The following CAMK4 variants were observed in gnomAD, a reference collection of about 807,000 sequenced individuals.
CAMK4 encodes calcium/calmodulin-dependent protein kinase type IV.
In CAMK4, 22 loss-of-function variants were observed where a neutral mutation model predicts 44.9. The ratio of observed to expected loss-of-function variants is 0.49; its 90% CI spans 0.35 to 0.70. The LOEUF is 0.70. Among genes scored for constraint, CAMK4 ranks in the 30% least tolerant of loss-of-function variants. The pLI is 0.01. For missense variants in CAMK4, 498 were observed against 586.8 expected (o/e 0.85, Z 1.56); for synonymous variants, 218 against 215.4 (o/e 1.01, Z -0.11).
chr5:111,357,222 C>T (rs1750400841), intron 2 of CAMK4, among the ~76,000 whole-genome samples: 1 of 152,046 alleles, frequency 6.6e-6, no homozygotes, highest in Admixed American at 6.6e-5. Flanking sequence ...CTGGTAGAAG[C>T]AGGAGTTTAA....
At chr5:111,266,702 T>G (rs1750261642) in intron 1 of CAMK4, among the ~76,000 whole-genome samples, 1 of 152,240 alleles carries the variant, frequency 6.6e-6, no homozygotes, top group African/African-American at 2.4e-5. Flanking sequence ...ACAAATAAAA[T>G]GTCTAAGCCC....
At chr5:111,427,646 C>T (rs1753276417) in intron 5 of CAMK4, among the ~76,000 whole-genome samples, 2 of 152,188 alleles carry the variant, frequency 1.3e-5, no homozygotes, top group Admixed American at 1.3e-4. Flanking sequence ...CTATGGGCTG[C>T]TCTGCTTTTC....
intron 5 of CAMK4, among the ~76,000 whole-genome samples, chr5:111,427,920 A>G (rs2112932331): frequency 6.6e-6 from 1 of 152,358 alleles, no homozygotes; most frequent in South Asian, 2.1e-4. Context: ...TAGTTATAGC[A>G]GGGTTTGGGC....
intron 7 of CAMK4, 84 bp from the exon 8 acceptor site, chr5:111,473,226 GA>G (rs1755123519): frequency 1.1e-6 from 1 of 908,628 alleles, no homozygotes; most frequent in Non-Finnish European, 1.8e-6. Context: ...TTGTTTTGAT[GA>G]ATTTATTTCT....
chr5:111,397,336 G>A (rs1294414353), intron 5 of CAMK4, among the ~76,000 whole-genome samples: 1 of 152,206 alleles, frequency 6.6e-6, no homozygotes, highest in Non-Finnish European at 1.5e-5. Context: ...TCATAGCAAT[G>A]TTCATAAAAT....
intron 5 of CAMK4, among the ~76,000 whole-genome samples, chr5:111,421,779 T>G (rs1187165470): frequency 6.6e-6 from 1 of 152,202 alleles, no homozygotes; most frequent in Non-Finnish European, 1.5e-5. Context: ...AATCACATCT[T>G]GAATTCTAGC....
rs59699712 is a variant in CAMK4 at position 111,267,703 on chromosome 5, CAAAAA to C, written c.161+43080_161+43084del. ...TGGGCGACAGAACGAGACTCCGTCT[CAAAAA>C]AAAAAAAAAAAAAAAAAAAAGAATC... On this transcript the variant is annotated intron_variant, in intron 1 of 10. Coordinates refer to ENST00000282356, the MANE Select transcript of CAMK4 (RefSeq NM_001744.6). Among the ~76,000 whole-genome samples the C allele has an allele frequency of 1.2e-3, 84 of 71,726 alleles. 3 individuals are homozygous for C. The East Asian group carries it at 0.02, about 17-fold the overall frequency. 47.1% of individuals were successfully genotyped at this position (71,726 alleles called of 152,430 possible).
intron 5 of CAMK4, among the ~76,000 whole-genome samples, chr5:111,406,995 G>A (rs1262410474): frequency 6.6e-6 from 1 of 152,184 alleles, no homozygotes; most frequent in East Asian, 1.9e-4. Context: ...AGGCTTTTAA[G>A]TAGGAGAATT....
intron 1 of CAMK4, among the ~76,000 whole-genome samples, chr5:111,229,588 G>C (rs760394905): frequency 1.1e-4 from 17 of 152,224 alleles, no homozygotes; most frequent in Non-Finnish European, 1.9e-4. Flanking sequence ...AACCATTCTC[G>C]TGACCAGAGC....
At chr5:111,316,864 C>G (rs1247692817) in intron 1 of CAMK4, among the ~76,000 whole-genome samples, 1 of 152,088 alleles carries the variant, frequency 6.6e-6, no homozygotes, top group Non-Finnish European at 1.5e-5. Flanking sequence ...CTCTGAAAGA[C>G]TGGTTGAGAA....
rs1561512226 is a variant in CAMK4 at position 111,477,750 on chromosome 5, T to A, written c.702-631T>A. Among the ~76,000 whole-genome samples the A allele has an allele frequency of 2.0e-5, 3 of 152,230 alleles. No homozygotes were observed. In the South Asian group the frequency reaches 6.2e-4, roughly 31 times the overall value. ...GCATCTGGTGACTATATTAATCTTATACATTTTTTAAGGTCATTGCCTGAC... is the reference window on the plus strand; with the variant it reads ...GCATCTGGTGACTATATTAATCTTAAACATTTTTTAAGGTCATTGCCTGAC... On this transcript the variant is annotated intron_variant, in intron 8 of 10. Coordinates refer to ENST00000282356, the MANE Select transcript of CAMK4 (RefSeq NM_001744.6).
intron 1 of CAMK4, among the ~76,000 whole-genome samples, chr5:111,241,531 C>G (rs1748992164): frequency 6.6e-6 from 1 of 152,166 alleles, no homozygotes; most frequent in African/African-American, 2.4e-5. Context: ...CTATTTACCT[C>G]TTTTCTTACT....
At chr5:111,462,616 C>G (rs543722306) in intron 7 of CAMK4, among the ~76,000 whole-genome samples, 3 of 152,222 alleles carry the variant, frequency 2.0e-5, no homozygotes, top group African/African-American at 7.2e-5. Context: ...GTAGTTTTAA[C>G]TCAGTAAGTA....
At position 111,449,161 on chromosome 5, in the gene CAMK4, CA is replaced by C; in HGVS notation, c.585del (p.Val196CysfsTer3). The C allele has an allele frequency of 6.3e-7, 1 of 1,582,690 alleles. No individual in the cohort carries two copies. The highest frequency in any genetic ancestry group is 8.7e-7 in the Non-Finnish European group (1 of 1,153,514). ...DFGLSKIVEH[Q>X]VLMKTVCGTP... ...TGGACTCTCTAAAATTGTGGAACAT[CA>C]AGTGCTCATGAAGACAGTATGTGGA... is the stretch of plus-strand genomic sequence containing the variant. On this transcript the variant is annotated frameshift_variant, in exon 7 of 11. Coordinates refer to ENST00000282356, the MANE Select transcript of CAMK4 (RefSeq NM_001744.6). LOFTEE classifies it high-confidence loss of function.
chr5:111,301,785 T>C (rs1226679949), intron 1 of CAMK4, among the ~76,000 whole-genome samples: 5 of 152,202 alleles, frequency 3.3e-5, no homozygotes, highest in African/African-American at 7.2e-5. Flanking sequence ...TTGCTTCCAT[T>C]TATAGATTAA....
chr5:111,442,370 G>A (rs753967976), intron 5 of CAMK4, among the ~76,000 whole-genome samples: 1 of 152,016 alleles, frequency 6.6e-6, no homozygotes, highest in African/African-American at 2.4e-5. Flanking sequence ...GGTGGCGCGT[G>A]CCTGTTGTCC....
intron 5 of CAMK4, among the ~76,000 whole-genome samples, chr5:111,407,834 A>G (rs971014238): frequency 1.3e-5 from 2 of 152,194 alleles, no homozygotes; most frequent in East Asian, 3.8e-4. Context: ...GGCTTAAGAA[A>G]GAATGACTAG....
intron 1 of CAMK4, among the ~76,000 whole-genome samples, chr5:111,308,953 T>C (rs558650205): frequency 6.6e-6 from 1 of 152,336 alleles, no homozygotes; most frequent in South Asian, 2.1e-4. Flanking sequence ...TTTAACTTCA[T>C]TGACTGATGT....
At chr5:111,476,532 C>T (rs1212896095) in intron 8 of CAMK4, among the ~76,000 whole-genome samples, 1 of 152,048 alleles carries the variant, frequency 6.6e-6, no homozygotes, top group Non-Finnish European at 1.5e-5. Context: ...CTGCCTCAGC[C>T]TCCCAAAGTG....
Sources: gnomAD v4.1 joint callset for allele counts (sites outside exome capture counted in the v4.1 genomes callset) on GRCh38, gnomAD v4.1.1 for gene constraint, MANE v1.5 for transcripts, NCBI Gene and HGNC (gene_info 2026-07-23, HGNC 2026-07-21) for gene names.